ZZZ3: variants seen among roughly 807,000 people sequenced by gnomAD.
The protein encoded by ZZZ3 is ZZ-type zinc finger-containing protein 3.
ZZZ3 carries 22 observed loss-of-function variants against 95.2 expected under a neutral mutation model. The observed-to-expected ratio is 0.23, with a 90% CI of 0.17 to 0.33. The LOEUF (loss-of-function observed/expected upper bound fraction) is 0.33. Among genes scored for constraint, ZZZ3 ranks in the 10% least tolerant of loss-of-function variants. The pLI is 1.00. For missense variants in ZZZ3, 885 were observed against 1,066.5 expected (o/e 0.83, Z 2.37); for synonymous variants, 335 against 358.9 (o/e 0.93, Z 0.75).
intron 1 of ZZZ3, among the ~76,000 whole-genome samples, chr1:77,675,828 A>C (rs1364386897): frequency 6.6e-6 from 1 of 152,216 alleles, no homozygotes; most frequent in Non-Finnish European, 1.5e-5. Context: ...AAAAAAAGGC[A>C]TCATAGTAAA....
At chr1:77,615,094 T>C (rs1301407323) in intron 5 of ZZZ3, 2 of 152,250 alleles carry the variant, frequency 1.3e-5, no homozygotes, top group African/African-American at 2.4e-5. Context: ...CTTTTCTCTA[T>C]GCTTTTACAA....
At chr1:77,573,082 T>A (rs377327772) in intron 12 of ZZZ3, among the ~76,000 whole-genome samples, 180 of 152,242 alleles carry the variant, frequency 1.2e-3, no homozygotes, top group African/African-American at 4.2e-3. Context: ...ACCTCTTAAA[T>A]AATTATGTTA....
intron 1 of ZZZ3, among the ~76,000 whole-genome samples, chr1:77,649,992 T>C (rs561800147): frequency 3.3e-5 from 5 of 152,056 alleles, no homozygotes; most frequent in Non-Finnish European, 4.4e-5. Flanking sequence ...AGCACAAATG[T>C]GGGAAAGGGG....
At chr1:77,600,832 G>A (rs1664659678) in intron 5 of ZZZ3, among the ~76,000 whole-genome samples, 3 of 152,070 alleles carry the variant, frequency 2.0e-5, no homozygotes, top group Non-Finnish European at 4.4e-5. Flanking sequence ...ACTCAGACTA[G>A]ACTAACTAGG....
rs5775411 is a variant in ZZZ3 at position 77,639,901 on chromosome 1, A to AT, written c.-205-300dup. On this transcript the variant is annotated intron_variant, in intron 3 of 14. Transcript: ENST00000370801. ...TTTCTAGACATTGCTCTAAGGGAGT[A>AT]TTTTTTTTTTTTTTTGCGGTGATAA... Among the ~76,000 whole-genome samples the AT allele has an allele frequency of 5.6e-3, 784 of 140,968 alleles. 4 individuals are homozygous for AT. The highest frequency in any genetic ancestry group is 0.02 in the East Asian group (100 of 4,918). 92.5% of individuals were successfully genotyped at this position (140,968 alleles called of 152,430 possible). A position where few individuals can be genotyped will look rare whatever the true frequency, so the allele number is the denominator to read the frequency against.
At chr1:77,674,366 A>G (rs1672064720) in intron 1 of ZZZ3, among the ~76,000 whole-genome samples, 1 of 152,242 alleles carries the variant, frequency 6.6e-6, no homozygotes, top group African/African-American at 2.4e-5. Flanking sequence ...AAAACAATAC[A>G]TACTGTATAA....
chr1:77,649,242 TA>T (rs1384876355), intron 1 of ZZZ3, among the ~76,000 whole-genome samples: 1 of 149,010 alleles, frequency 6.7e-6, no homozygotes, highest in African/African-American at 2.5e-5. Flanking sequence ...AAGAATATCT[TA>T]AAAGCAGAGA....
chr1:77,620,981 A>T (rs189065907), intron 5 of ZZZ3, among the ~76,000 whole-genome samples: 6 of 152,306 alleles, frequency 3.9e-5, no homozygotes, highest in Non-Finnish European at 8.8e-5. Flanking sequence ...TAACTACAGA[A>T]ATCAAAATAA....
At chr1:77,609,017 A>T (rs1218448388) in intron 5 of ZZZ3, among the ~76,000 whole-genome samples, 1 of 152,192 alleles carries the variant, frequency 6.6e-6, no homozygotes, top group Non-Finnish European at 1.5e-5. Context: ...AAATGGCAGG[A>T]GTAAGTCTTT....
intron 5 of ZZZ3, among the ~76,000 whole-genome samples, chr1:77,590,467 T>C (rs1400880641): frequency 6.6e-6 from 1 of 152,246 alleles, no homozygotes; most frequent in Non-Finnish European, 1.5e-5. Context: ...ACATAATTTC[T>C]ATGGCTGCTT....
Position 77,587,883 on chromosome 1 carries a change from A to T in ZZZ3, c.1506-3228T>A. On this transcript the variant is annotated intron_variant, in intron 5 of 14. Transcript: ENST00000370801. Reference sequence around the variant, plus strand: ...GAGGACAATGAGGGTGAATACTTTTAGGTTGGTCCACTTTCACTTAATGAA... The same window carrying T: ...GAGGACAATGAGGGTGAATACTTTTTGGTTGGTCCACTTTCACTTAATGAA... Among the ~76,000 whole-genome samples, 2 of 152,202 alleles carry T rather than the reference A, an allele frequency of 1.3e-5. 1 individual carries two copies. The highest frequency in any genetic ancestry group is 4.8e-5 in the African/African-American group (2 of 41,448).
chr1:77,609,361 T>C (rs1665554414), intron 5 of ZZZ3, among the ~76,000 whole-genome samples: 1 of 152,056 alleles, frequency 6.6e-6, no homozygotes, highest in Non-Finnish European at 1.5e-5. Flanking sequence ...ATATATGCAC[T>C]CAACACTGAA....
chr1:77,583,013 A>G (rs6670660), intron 6 of ZZZ3, among the ~76,000 whole-genome samples: 92,942 of 151,874 alleles, frequency 0.61, 30,570 homozygotes, highest in Non-Finnish European at 0.74. Context: ...GCTGAGGCAG[A>G]AGAATCTGTT....
intron 1 of ZZZ3, among the ~76,000 whole-genome samples, chr1:77,660,316 C>T (rs1436584753): frequency 6.6e-6 from 1 of 152,144 alleles, no homozygotes; most frequent in Non-Finnish European, 1.5e-5. Flanking sequence ...ATCATCACTA[C>T]CATCCATCTC....
intron 5 of ZZZ3, among the ~76,000 whole-genome samples, chr1:77,615,779 G>A (rs1666249078): frequency 6.6e-6 from 1 of 152,166 alleles, no homozygotes; most frequent in South Asian, 2.1e-4. Flanking sequence ...ATTGAGTCCA[G>A]TAAAGTGAGG....
rs1476200439 is a variant in ZZZ3, at chr1:77,564,452, G to GT, written c.*1187dup. ...ATACCAATTTCTGGTTTTAACACTGGTAAAAAAAAAAATCCAAAATCTAAC... is the reference window on the plus strand; with the variant it reads ...ATACCAATTTCTGGTTTTAACACTGGTTAAAAAAAAAAATCCAAAATCTAAC... On this transcript the variant is annotated 3_prime_UTR_variant, in exon 15 of 15. Transcript: ENST00000370801. 6.6e-6 allele frequency: 1 copy of GT among 151,632 alleles called. No individual in the cohort carries two copies. The highest frequency in any genetic ancestry group is 1.5e-5 in the Non-Finnish European group (1 of 67,840). The allele number at this position is 151,632 out of a possible 1,614,324, so 9.4% of individuals were successfully genotyped here. A position where few individuals can be genotyped will look rare whatever the true frequency, so the allele number is the denominator to read the frequency against.
chr1:77,675,652 C>T (rs376234508), intron 1 of ZZZ3, among the ~76,000 whole-genome samples: 1 of 151,038 alleles, frequency 6.6e-6, no homozygotes, highest in African/African-American at 2.4e-5. Context: ...TTACTTAAAT[C>T]TGGCTTTTCT....
At chr1:77,621,220 C>T (rs1318632944) in intron 5 of ZZZ3, among the ~76,000 whole-genome samples, 1 of 152,106 alleles carries the variant, frequency 6.6e-6, no homozygotes, top group Non-Finnish European at 1.5e-5. Context: ...TGGCCAGGCA[C>T]AGTGGCTCGT....
chr1:77,601,046 A>C (rs375037789), intron 5 of ZZZ3, among the ~76,000 whole-genome samples: 49 of 152,210 alleles, frequency 3.2e-4, no homozygotes, highest in Non-Finnish European at 5.6e-4. Flanking sequence ...CTCTAGAGAA[A>C]GACCAATTAA....
Sources: gnomAD v4.1 joint callset for allele counts (sites outside exome capture counted in the v4.1 genomes callset) on GRCh38, gnomAD v4.1.1 for gene constraint, MANE v1.5 for transcripts, NCBI Gene and HGNC (gene_info 2026-07-23, HGNC 2026-07-21) for gene names.